Variants in HTR3B observed in about 807,000 individuals in gnomAD.
The protein encoded by HTR3B is 5-hydroxytryptamine (serotonin) receptor 3B, ionotropic.
In HTR3B, 44 loss-of-function variants were observed where a neutral mutation model predicts 42.8. The ratio of observed to expected loss-of-function variants is 1.03; its 90% confidence interval spans 0.81 to 1.32. The LOEUF (loss-of-function observed/expected upper bound fraction) is 1.32, where lower values mean the gene tolerates loss of function less well. HTR3B is among the 40% of genes most tolerant of loss of function. The pLI, the probability that HTR3B is intolerant of heterozygous loss-of-function variation, is 0.00. For synonymous variants in HTR3B, 203 were observed against 209.0 expected (o/e 0.97, Z 0.25); for missense variants, 527 against 536.5 (o/e 0.98, Z 0.17).
At chr11:113,933,779 C>G (rs1408318877) in intron 6 of HTR3B, among the ~76,000 whole-genome samples, 2 of 152,172 alleles carry the variant, frequency 1.3e-5, no homozygotes, top group African/African-American at 4.8e-5. Context: ...CAGCCATTGT[C>G]CCATCTTTGG....
intron 1 of HTR3B, 102 bp from the exon 2 acceptor site, chr11:113,909,193 C>T: frequency 1.1e-6 from 1 of 888,204 alleles, no homozygotes; most frequent in Non-Finnish European, 1.8e-6. Flanking sequence ...GAGCTGAAAG[C>T]TATATTCTAG....
Position 113,911,701 on chromosome 11 carries a change from A to ATT in HTR3B, c.213+2251_213+2252dup, listed in dbSNP as rs540635918. Among the ~76,000 whole-genome samples the ATT allele has an allele frequency of 3.7e-3, 546 of 148,376 alleles. 5 individuals carry two copies. The highest frequency in any genetic ancestry group is 0.012 in the African/African-American group (487 of 40,048). ...GCCACCACACTCGGCTTATTTTTAT[A>ATT]TTTTTTAGTAGAGATGGGGTTCCAC... On this transcript the variant is annotated intron_variant, in intron 2 of 8. Transcript: ENST00000260191.
chr11:113,908,623 A>G (rs1457216168), intron 1 of HTR3B, among the ~76,000 whole-genome samples: 4 of 152,232 alleles, frequency 2.6e-5, no homozygotes, highest in Non-Finnish European at 5.9e-5. Flanking sequence ...AACACCAGTC[A>G]CAGCTCCTCT....
intron 2 of HTR3B, among the ~76,000 whole-genome samples, chr11:113,917,907 T>C (rs1420003680): frequency 6.6e-6 from 1 of 152,190 alleles, no homozygotes; most frequent in African/African-American, 2.4e-5. Flanking sequence ...CCAGCCTATA[T>C]GTCTTCGTAA....
intron 2 of HTR3B, among the ~76,000 whole-genome samples, chr11:113,929,638 A>G (rs963315223): frequency 7.2e-5 from 11 of 152,318 alleles, no homozygotes; most frequent in African/African-American, 2.4e-4. Context: ...CGTTTGGCCC[A>G]TAGCAGTGAC....
intron 2 of HTR3B, among the ~76,000 whole-genome samples, chr11:113,923,243 G>T (rs1483167296): frequency 6.6e-6 from 1 of 152,186 alleles, no homozygotes; most frequent in Non-Finnish European, 1.5e-5. Flanking sequence ...GGATGCATCT[G>T]CCAGCATCTG....
chr11:113,910,445 T>C lies in HTR3B; in HGVS notation c.213+990T>C, dbSNP rs1024273704. On this transcript the variant is annotated intron_variant, in intron 2 of 8. Coordinates refer to ENST00000260191, the MANE Select transcript of HTR3B (RefSeq NM_006028.5). Reference sequence around the variant, plus strand: ...AGAGTTATTTTGATTTCTCTCTCTTTTTTTTTTTTTTTTGAGACGGAGTCT... The same window carrying C: ...AGAGTTATTTTGATTTCTCTCTCTTCTTTTTTTTTTTTTGAGACGGAGTCT... Among the ~76,000 whole-genome samples, 500 of 149,456 alleles carry C rather than the reference T, an allele frequency of 3.3e-3. 7 individuals carry two copies. The highest frequency in any genetic ancestry group is 0.011 in the African/African-American group (437 of 40,980).
At chr11:113,924,488 G>A (rs569786796) in intron 2 of HTR3B, among the ~76,000 whole-genome samples, 2 of 152,046 alleles carry the variant, frequency 1.3e-5, no homozygotes, top group Non-Finnish European at 2.9e-5. Flanking sequence ...AGCTAGGCAC[G>A]GTGTTGCACA....
intron 2 of HTR3B, among the ~76,000 whole-genome samples, chr11:113,910,044 A>C (rs76421406): frequency 0.012 from 1,867 of 151,486 alleles, 30 homozygotes; most frequent in African/African-American, 0.043. Context: ...ATATTGTATG[A>C]ATATTGCTGA....
In HTR3B at chr11:113,944,572, G is replaced by A. The variant is rs1456037613; in HGVS notation, c.908-1G>A. On this transcript the variant is annotated splice_acceptor_variant, in intron 7 of 8. Transcript: ENST00000260191. LOFTEE classifies it high-confidence loss of function. ...ACTGCACCTCTTCTGGCTTCTCTCA[G>A]GGCACTTCTTCACCATCTGCATGGC... The A allele has an allele frequency of 6.2e-7, 1 of 1,613,316 alleles. No homozygotes were observed. The highest frequency in any genetic ancestry group is 8.5e-7 in the Non-Finnish European group (1 of 1,179,388).
intron 1 of HTR3B, among the ~76,000 whole-genome samples, chr11:113,908,474 G>A (rs748813150): frequency 6.6e-6 from 1 of 152,208 alleles, no homozygotes; most frequent in Non-Finnish European, 1.5e-5. Context: ...ACTGAGTGAA[G>A]CATTGAATCC....
Position 113,931,446 on chromosome 11 carries a change from C to T in HTR3B, c.258+18C>T. ...ACCAAGAGGTAAATAATTATGTTTT[C>T]TTCTAAATATATTGCACTCCTGATC... On this transcript the variant is annotated intron_variant, in intron 3 of 8. Transcript: ENST00000260191. The T allele has an allele frequency of 6.7e-7, 1 of 1,490,404 alleles. No individual in the cohort carries two copies. The highest frequency in any genetic ancestry group is 1.2e-5 in the South Asian group (1 of 84,490). The allele number at this position is 1,490,404 out of a possible 1,614,324, so 92.3% of individuals were successfully genotyped here.
At chr11:113,901,177 C>T (rs1010177890), upstream of HTR3B, among the ~76,000 whole-genome samples, 4 of 152,114 alleles carry the variant, frequency 2.6e-5, no homozygotes, top group African/African-American at 7.2e-5. Context: ...TGTAGTGGTG[C>T]ATGCCTATAT....
At chr11:113,913,623 T>C (rs1177458578) in intron 2 of HTR3B, among the ~76,000 whole-genome samples, 1 of 152,014 alleles carries the variant, frequency 6.6e-6, no homozygotes, top group Non-Finnish European at 1.5e-5. Flanking sequence ...CAAGCCATAC[T>C]CCAGCCTCAG....
chr11:113,908,275 A>ATAT (rs1377293075), intron 1 of HTR3B, among the ~76,000 whole-genome samples: 13 of 152,184 alleles, frequency 8.5e-5, no homozygotes, highest in African/African-American at 3.1e-4. Context: ...AATGGGTATA[A>ATAT]ACAGGATTGT....
intron 2 of HTR3B, among the ~76,000 whole-genome samples, chr11:113,912,624 T>G (rs1000149846): frequency 3.3e-5 from 5 of 152,234 alleles, no homozygotes; most frequent in African/African-American, 1.2e-4. Context: ...ACTGCCATAC[T>G]GATTTGCAAA....
intron 2 of HTR3B, among the ~76,000 whole-genome samples, chr11:113,926,057 C>G (rs1218002305): frequency 2.0e-5 from 3 of 152,178 alleles, no homozygotes; most frequent in Non-Finnish European, 4.4e-5. Flanking sequence ...GGCAAACACT[C>G]ATCTACTTTT....
Position 113,948,615 on chromosome 11 carries a change from A to G in HTR3B, c.*2478A>G, listed in dbSNP as rs563072429. ...GTGGTGGCTCACGCCTATAATCCCAACACTTTGGGAGGCTGAGGTGGGTGG... is the reference window on the plus strand; with the variant it reads ...GTGGTGGCTCACGCCTATAATCCCAGCACTTTGGGAGGCTGAGGTGGGTGG... On this transcript the variant is annotated 3_prime_UTR_variant, in exon 9 of 9. Transcript: ENST00000260191. Among the ~76,000 whole-genome samples, 47 of 152,284 alleles carry G rather than the reference A, an allele frequency of 3.1e-4. No individual in the cohort carries two copies. The highest frequency in any genetic ancestry group is 6.2e-4 in the Non-Finnish European group (42 of 68,018).
intron 6 of HTR3B, among the ~76,000 whole-genome samples, chr11:113,941,651 C>G (rs746409267): frequency 1.1e-4 from 17 of 151,986 alleles, no homozygotes; most frequent in African/African-American, 4.1e-4. Flanking sequence ...CATGCTTGAC[C>G]AGTAGGGAGA....
Sources: gnomAD v4.1 joint callset for allele counts (sites outside exome capture counted in the v4.1 genomes callset) on GRCh38, gnomAD v4.1.1 for gene constraint, MANE v1.5 for transcripts, NCBI Gene and HGNC (gene_info 2026-07-23, HGNC 2026-07-21) for gene names.